The following ST6GALNAC3 variants were observed in gnomAD, a reference collection of about 807,000 sequenced individuals.
The protein encoded by ST6GALNAC3 is alpha-N-acetylgalactosaminide alpha-2,6-sialyltransferase 3.
ST6GALNAC3 carries 25 observed loss-of-function variants against 32.7 expected under a neutral mutation model. The observed-to-expected ratio is 0.76, with a 90% CI of 0.56 to 1.07. The LOEUF is 1.07. ST6GALNAC3 is among the 50% of genes least tolerant of loss of function. The pLI, the probability that ST6GALNAC3 is intolerant of heterozygous loss-of-function variation, is 0.00. For missense variants in ST6GALNAC3, 355 were observed against 382.4 expected, an observed-to-expected ratio of 0.93 and a Z score of 0.60; for synonymous variants, 129 against 133.1, an observed-to-expected ratio of 0.97 and a Z score of 0.21.
At chr1:76,495,502 T>A (rs1660798066) in intron 3 of ST6GALNAC3, among the ~76,000 whole-genome samples, 1 of 152,206 alleles carries the variant, frequency 6.6e-6, no homozygotes, top group East Asian at 1.9e-4. Flanking sequence ...TTAAAAAAAA[T>A]TATTTCTAAC....
chr1:76,467,738 C>T (rs1348743682), intron 3 of ST6GALNAC3, among the ~76,000 whole-genome samples: 3 of 151,716 alleles, frequency 2.0e-5, no homozygotes, highest in Admixed American at 6.6e-5. Flanking sequence ...CTGTGCATTA[C>T]TAAAATAATT....
intron 3 of ST6GALNAC3, among the ~76,000 whole-genome samples, chr1:76,481,716 T>C (rs1659734753): frequency 6.6e-6 from 1 of 152,192 alleles, no homozygotes; most frequent in Non-Finnish European, 1.5e-5. Context: ...AGATGATGTT[T>C]CCTCATTGGG....
At chr1:76,400,018 A>T (rs1391853660) in intron 2 of ST6GALNAC3, among the ~76,000 whole-genome samples, 1 of 152,096 alleles carries the variant, frequency 6.6e-6, no homozygotes, top group Non-Finnish European at 1.5e-5. Flanking sequence ...TCAATCTTCA[A>T]ACTTTTTTTA....
At chr1:76,193,676 A>G (rs921941612) in intron 1 of ST6GALNAC3, among the ~76,000 whole-genome samples, 1 of 152,162 alleles carries the variant, frequency 6.6e-6, no homozygotes, top group South Asian at 2.1e-4. Context: ...TACTCATCCT[A>G]TCTTACTGAT....
At chr1:76,554,602 G>A (rs1664815971) in intron 3 of ST6GALNAC3, among the ~76,000 whole-genome samples, 1 of 152,106 alleles carries the variant, frequency 6.6e-6, no homozygotes, top group African/African-American at 2.4e-5. Flanking sequence ...TGTGTGTGGT[G>A]GAGGGGGTAG....
At chr1:76,092,547 G>A (rs746016900) in intron 1 of ST6GALNAC3, among the ~76,000 whole-genome samples, 5 of 152,114 alleles carry the variant, frequency 3.3e-5, no homozygotes, top group African/African-American at 1.2e-4. Context: ...CTATTATTGT[G>A]TCCATTTGAC....
chr1:76,378,660 C>A (rs1651440471), intron 2 of ST6GALNAC3, among the ~76,000 whole-genome samples: 2 of 98,562 alleles, frequency 2.0e-5, no homozygotes, highest in Non-Finnish European at 2.0e-5. Flanking sequence ...GAAATTCCTT[C>A]CCCCCCCCAA....
At position 76,629,750 on chromosome 1, in the gene ST6GALNAC3, G is replaced by A; in HGVS notation, c.*944G>A. On this transcript the variant is annotated 3_prime_UTR_variant, in exon 5 of 5. Transcript: ENST00000328299. ...AAAATCATGAAATAGAGACAGCAAAGCATATTTTTACATCAATTTGTATCC... is the reference window on the plus strand; with the variant it reads ...AAAATCATGAAATAGAGACAGCAAAACATATTTTTACATCAATTTGTATCC... 1.0e-6 allele frequency: 1 copy of A among 979,804 alleles called. No individual in the cohort carries two copies. The highest frequency in any genetic ancestry group is 1.2e-6 in the Non-Finnish European group (1 of 824,564). 60.7% of individuals were successfully genotyped at this position (979,804 alleles called of 1,614,324 possible).
chr1:76,087,150 G>A (rs201018607), intron 1 of ST6GALNAC3, among the ~76,000 whole-genome samples: 2 of 152,124 alleles, frequency 1.3e-5, no homozygotes, highest in Non-Finnish European at 2.9e-5. Flanking sequence ...GGCTTGATTT[G>A]AGCCAAGATT....
intron 1 of ST6GALNAC3, among the ~76,000 whole-genome samples, chr1:76,131,913 C>T (rs1253873678): frequency 1.3e-5 from 2 of 152,056 alleles, no homozygotes; most frequent in African/African-American, 4.8e-5. Context: ...ATGTCATTAC[C>T]CATAGCACAT....
intron 1 of ST6GALNAC3, among the ~76,000 whole-genome samples, chr1:76,132,219 G>C (rs1218016976): frequency 6.6e-6 from 1 of 152,184 alleles, no homozygotes; most frequent in Non-Finnish European, 1.5e-5. Context: ...CTTTTTAAAA[G>C]GAGTCAGAAT....
intron 3 of ST6GALNAC3, among the ~76,000 whole-genome samples, chr1:76,508,107 C>T (rs1228544103): frequency 2.0e-5 from 3 of 152,104 alleles, no homozygotes; most frequent in South Asian, 2.1e-4. Flanking sequence ...CTTAGATCAG[C>T]GGTTTCCAAC....
At chr1:76,229,126 G>A (rs184080648) in intron 1 of ST6GALNAC3, among the ~76,000 whole-genome samples, 30 of 152,144 alleles carry the variant, frequency 2.0e-4, no homozygotes, top group East Asian at 1.2e-3. Flanking sequence ...GCAGCAACCC[G>A]CCCAGGAAAC....
intron 3 of ST6GALNAC3, among the ~76,000 whole-genome samples, chr1:76,596,012 C>A (rs1172328612): frequency 5.3e-5 from 8 of 152,042 alleles, no homozygotes; most frequent in Non-Finnish European, 4.4e-5. Flanking sequence ...TGTGCAGTCC[C>A]CTCATCCCAT....
intron 1 of ST6GALNAC3, among the ~76,000 whole-genome samples, chr1:76,147,122 G>A (rs1417495618): frequency 1.3e-5 from 2 of 149,882 alleles, no homozygotes; most frequent in South Asian, 2.1e-4. Context: ...GAGTACAATG[G>A]TGCCATCTTG....
chr1:76,586,265 TTTAAATCCATGGACC>T (rs1646961315), intron 3 of ST6GALNAC3, among the ~76,000 whole-genome samples: 1 of 152,230 alleles, frequency 6.6e-6, no homozygotes, highest in Admixed American at 6.5e-5. Context: ...TGTGATGGAC[TTTAAATCCATGGACC>T]TTCTTGCACT....
At chr1:76,160,722 G>A (rs1651753089) in intron 1 of ST6GALNAC3, among the ~76,000 whole-genome samples, 1 of 152,116 alleles carries the variant, frequency 6.6e-6, no homozygotes, top group South Asian at 2.1e-4. Context: ...CACACACACA[G>A]TCTACTGAAG....
chr1:76,553,829 T>C (rs992530913), intron 3 of ST6GALNAC3, among the ~76,000 whole-genome samples: 2 of 152,216 alleles, frequency 1.3e-5, no homozygotes, highest in Non-Finnish European at 2.9e-5. Flanking sequence ...CTTTTGGTGG[T>C]AAAATGCCAA....
intron 2 of ST6GALNAC3, among the ~76,000 whole-genome samples, chr1:76,319,589 A>G (rs959471334): frequency 4.6e-5 from 7 of 152,312 alleles, no homozygotes; most frequent in African/African-American, 1.7e-4. Context: ...TAGGTTTTCT[A>G]TATTTGGTAA....
Sources: gnomAD v4.1 joint callset for allele counts (sites outside exome capture counted in the v4.1 genomes callset) on GRCh38, gnomAD v4.1.1 for gene constraint, MANE v1.5 for transcripts, NCBI Gene and HGNC (gene_info 2026-07-23, HGNC 2026-07-21) for gene names.